ACVR1: variants seen among roughly 807,000 people sequenced by gnomAD.
ACVR1 encodes activin A receptor type 1.
In ACVR1, 38 loss-of-function variants were observed where a neutral mutation model predicts 57.1. That is an observed-to-expected ratio of 0.67 (90% confidence interval 0.51 to 0.87). ACVR1 has a LOEUF of 0.87. Among genes scored for constraint, ACVR1 ranks in the 40% least tolerant of loss-of-function variants. The pLI is 0.00. For synonymous variants in ACVR1, 212 were observed against 228.1 expected, an observed-to-expected ratio of 0.93 and a Z score of 0.63; for missense variants, 463 against 638.2, an observed-to-expected ratio of 0.73 and a Z score of 2.96.
intron 1 of ACVR1, among the ~76,000 whole-genome samples, chr2:157,836,737 C>G (rs1688795889): frequency 6.6e-6 from 1 of 152,162 alleles, no homozygotes; most frequent in African/African-American, 2.4e-5. Flanking sequence ...AGTGAGCACA[C>G]TCAAGGGGGT....
intron 3 of ACVR1, among the ~76,000 whole-genome samples, chr2:157,795,674 A>G (rs1362971596): frequency 1.3e-5 from 2 of 151,804 alleles, no homozygotes; most frequent in Non-Finnish European, 2.9e-5. Context: ...TAACTTTTAC[A>G]TGTTTTACAT....
At chr2:157,792,893 A>G (rs1259727401) in intron 3 of ACVR1, among the ~76,000 whole-genome samples, 1 of 152,122 alleles carries the variant, frequency 6.6e-6, no homozygotes, top group African/African-American at 2.4e-5. Flanking sequence ...TGTGTCTTAC[A>G]CTATCTTGGA....
At chr2:157,780,234 T>C in intron 4 of ACVR1, 103 bp downstream of exon 4, 1 of 1,525,230 alleles carries the variant, frequency 6.6e-7, no homozygotes, top group Non-Finnish European at 9.0e-7. Flanking sequence ...TGATTCAAAA[T>C]GTAGGTGGAA....
intron 1 of ACVR1, among the ~76,000 whole-genome samples, chr2:157,850,401 AG>A (rs1689254849): frequency 6.6e-6 from 1 of 151,852 alleles, no homozygotes; most frequent in Non-Finnish European, 1.5e-5. Flanking sequence ...AAAAAAAAAA[AG>A]AGGGAAAAAT....
chr2:157,874,625 G>A (rs1054299136), intron 1 of ACVR1, among the ~76,000 whole-genome samples: 12 of 152,154 alleles, frequency 7.9e-5, no homozygotes, highest in African/African-American at 2.9e-4. Context: ...TTTTTTTGGG[G>A]AAAAGGGAGG....
intron 3 of ACVR1, among the ~76,000 whole-genome samples, chr2:157,784,885 A>G (rs1337421716): frequency 6.6e-6 from 1 of 152,258 alleles, no homozygotes; most frequent in Non-Finnish European, 1.5e-5. Context: ...GGACTTTTAA[A>G]AACTGTCCAC....
intron 5 of ACVR1, 67 bp from the exon 6 acceptor site, chr2:157,774,254 AT>A (rs1383119993): frequency 7.9e-7 from 1 of 1,270,802 alleles, no homozygotes; most frequent in African/African-American, 1.5e-5. Flanking sequence ...GAGTATTAGC[AT>A]GCATGACATT....
chr2:157,740,893 T>C (rs1684732113), intron 9 of ACVR1, among the ~76,000 whole-genome samples: 1 of 152,222 alleles, frequency 6.6e-6, no homozygotes, highest in Non-Finnish European at 1.5e-5. Flanking sequence ...CAAGCCTCTT[T>C]TTCCTCAATC....
intron 2 of ACVR1, among the ~76,000 whole-genome samples, chr2:157,813,583 A>G (rs899413712): frequency 4.6e-5 from 7 of 152,120 alleles, no homozygotes; most frequent in African/African-American, 1.7e-4. Context: ...CTTCCCATGG[A>G]GAGGACCCAG....
intron 1 of ACVR1, among the ~76,000 whole-genome samples, chr2:157,867,757 G>A (rs908738975): frequency 6.6e-6 from 1 of 151,878 alleles, no homozygotes; most frequent in African/African-American, 2.4e-5. Flanking sequence ...GAGACCACCA[G>A]TTTTCAACCT....
chr2:157,855,846 C>CA (rs1181406949), intron 1 of ACVR1, among the ~76,000 whole-genome samples: 1 of 151,950 alleles, frequency 6.6e-6, no homozygotes, highest in Non-Finnish European at 1.5e-5. Flanking sequence ...CTGACTCATA[C>CA]TTTTTTTTCC....
intron 1 of ACVR1, among the ~76,000 whole-genome samples, chr2:157,842,911 T>C (rs1335934587): frequency 6.6e-6 from 1 of 152,164 alleles, no homozygotes. Context: ...CCAGGTTTCC[T>C]AGTACAAAGA....
At chr2:157,792,357 G>A (rs561261821) in intron 3 of ACVR1, among the ~76,000 whole-genome samples, 55 of 152,294 alleles carry the variant, frequency 3.6e-4, no homozygotes, top group Non-Finnish European at 6.9e-4. Context: ...CAGCTGATGA[G>A]AATCAGGCCA....
chr2:157,837,220 A>G (rs991726423), intron 1 of ACVR1, among the ~76,000 whole-genome samples: 1 of 152,354 alleles, frequency 6.6e-6, no homozygotes, highest in Admixed American at 6.5e-5. Context: ...TAATCAGCTC[A>G]TCTCTCTTTT....
At chr2:157,805,980 T>C (rs1559067885) in intron 2 of ACVR1, among the ~76,000 whole-genome samples, 1 of 151,812 alleles carries the variant, frequency 6.6e-6, no homozygotes, top group Non-Finnish European at 1.5e-5. Flanking sequence ...CATGCCACCA[T>C]GTCTGACTAA....
intron 1 of ACVR1, among the ~76,000 whole-genome samples, chr2:157,874,122 T>G (rs1190511626): frequency 6.6e-6 from 1 of 152,216 alleles, no homozygotes; most frequent in Non-Finnish European, 1.5e-5. Context: ...ATCCCAATCC[T>G]TAGTCTTTGT....
chr2:157,801,285 A>T (rs893710328), intron 2 of ACVR1, among the ~76,000 whole-genome samples: 1 of 152,204 alleles, frequency 6.6e-6, no homozygotes, highest in African/African-American at 2.4e-5. Flanking sequence ...TTTACAGAGT[A>T]CAACCATGTA....
intron 1 of ACVR1, among the ~76,000 whole-genome samples, chr2:157,827,427 T>G (rs1688424769): frequency 6.6e-6 from 1 of 152,224 alleles, no homozygotes; most frequent in South Asian, 2.1e-4. Flanking sequence ...CTCATTGGTT[T>G]TGTGTGTGTA....
chr2:157,836,018 C>T (rs1688771283), intron 1 of ACVR1, among the ~76,000 whole-genome samples: 1 of 152,184 alleles, frequency 6.6e-6, no homozygotes, highest in South Asian at 2.1e-4. Context: ...AAGTGTTATA[C>T]CTGGAATTCA....
Sources: allele counts gnomAD v4.1 joint callset (sites outside exome capture counted in the v4.1 genomes callset), GRCh38; gene constraint gnomAD v4.1.1; transcripts MANE v1.5; gene names NCBI Gene and HGNC (gene_info 2026-07-23, HGNC 2026-07-21).